TLK1: variants seen among roughly 807,000 people sequenced by gnomAD.
The protein encoded by TLK1 is serine/threonine-protein kinase tousled-like 1.
A neutral mutation model predicts 105.3 loss-of-function variants in TLK1; 24 were observed. That is an observed-to-expected ratio of 0.23 (90% CI 0.17 to 0.32). The LOEUF is 0.32. TLK1 is among the 10% of genes least tolerant of loss of function. The pLI, the probability that TLK1 is intolerant of heterozygous loss-of-function variation, is 1.00. For missense variants in TLK1, 558 were observed against 910.5 expected, an observed-to-expected ratio of 0.61 and a Z score of 4.98; for synonymous variants, 321 against 310.4, an observed-to-expected ratio of 1.03 and a Z score of -0.36.
rs1450605031 is a variant in TLK1 at position 171,160,217 on chromosome 2, C to CGGGGGGGGCGGGGGGGGCGGGGGGGGCG, written c.139+72_139+73insCGCCCCCCCCGCCCCCCCCGCCCCCCCC. On this transcript the variant is annotated intron_variant, in intron 1 of 20. Coordinates refer to ENST00000431350, the MANE Select transcript of TLK1 (RefSeq NM_012290.5). This position sits in a 1 kb window ranked among gnomAD's most constrained non-coding sequence, Gnocchi z 4.4. The stretch of plus-strand genomic sequence containing the variant: ...CGGAGAAGCCCCGGGGCGGGGGGGG[C>CGGGGGGGGCGGGGGGGGCGGGGGGGGCG]GGGGGGGGGGCGCGGGGGTCCGCGG... 1 of 862,862 alleles carries CGGGGGGGGCGGGGGGGGCGGGGGGGGCG rather than the reference C, an allele frequency of 1.2e-6. No individual in the cohort carries two copies. Among genetic ancestry groups the CGGGGGGGGCGGGGGGGGCGGGGGGGGCG allele is most frequent in the African/African-American group, 2.3e-5 (1 of 43,848 alleles). The allele number at this position is 862,862 out of a possible 1,614,324, so 53.5% of individuals were successfully genotyped here.
At chr2:171,023,518 C>G (rs1685631199) in intron 12 of TLK1, among the ~76,000 whole-genome samples, 1 of 152,044 alleles carries the variant, frequency 6.6e-6, no homozygotes, top group Non-Finnish European at 1.5e-5. Context: ...TAAACACATT[C>G]TCTCCAACTA....
intron 2 of TLK1, among the ~76,000 whole-genome samples, chr2:171,088,376 C>T (rs1231571570): frequency 6.6e-6 from 1 of 152,102 alleles, no homozygotes; most frequent in Non-Finnish European, 1.5e-5. Context: ...TAAACCCTGC[C>T]CAGTTACACA....
chr2:171,173,564 C>CT (rs1197962020), intron 1 of TLK1, among the ~76,000 whole-genome samples: 2 of 151,174 alleles, frequency 1.3e-5, no homozygotes, highest in East Asian at 3.9e-4. Flanking sequence ...ATTTTTTTTT[C>CT]TTTTTTTGGC....
At chr2:171,003,046 G>C (rs940919850) in intron 18 of TLK1, among the ~76,000 whole-genome samples, 2 of 151,714 alleles carry the variant, frequency 1.3e-5, no homozygotes, top group African/African-American at 4.8e-5. Context: ...AGGCCGAGGC[G>C]GGTGGATCAT....
chr2:171,184,472 G>A (rs962687700), intron 1 of TLK1, among the ~76,000 whole-genome samples: 3 of 151,704 alleles, frequency 2.0e-5, no homozygotes, highest in Non-Finnish European at 2.9e-5. Context: ...GAGAAACCCC[G>A]TCTCCACTAA....
At chr2:171,152,373 T>G (rs1228156658) in intron 1 of TLK1, among the ~76,000 whole-genome samples, 1 of 152,178 alleles carries the variant, frequency 6.6e-6, no homozygotes, top group African/African-American at 2.4e-5. Flanking sequence ...TGGAAAAATT[T>G]AATTCAAGTT....
At chr2:171,056,876 C>T (rs1575559629) in intron 5 of TLK1, among the ~76,000 whole-genome samples, 1 of 151,848 alleles carries the variant, frequency 6.6e-6, no homozygotes, top group Non-Finnish European at 1.5e-5. Flanking sequence ...ATTTTGTTTT[C>T]CCCCCAAATC....
intron 2 of TLK1, among the ~76,000 whole-genome samples, chr2:171,115,432 C>G (rs2105526577): frequency 6.6e-6 from 1 of 152,216 alleles, no homozygotes; most frequent in East Asian, 1.9e-4. Context: ...CTCGGCCTCC[C>G]AAAGTGCTGG....
chr2:171,192,940 G>A (rs1693183798), intron 1 of TLK1, among the ~76,000 whole-genome samples: 1 of 152,078 alleles, frequency 6.6e-6, no homozygotes, highest in South Asian at 2.1e-4. Flanking sequence ...TCTCAGATTT[G>A]GAATTAGCTG....
intron 1 of TLK1, among the ~76,000 whole-genome samples, chr2:171,227,593 T>TTG (rs1481001879): frequency 2.3e-5 from 3 of 127,990 alleles, no homozygotes; most frequent in Non-Finnish European, 3.3e-5. Context: ...TTTTTTTTTT[T>TTG]TTTTTGTTTA....
intron 13 of TLK1, among the ~76,000 whole-genome samples, chr2:171,013,668 CAATGG>C: frequency 6.6e-6 from 1 of 152,116 alleles, no homozygotes; most frequent in Non-Finnish European, 1.5e-5. Context: ...TCTCTTCACA[CAATGG>C]AATGATCTGT....
intron 12 of TLK1, among the ~76,000 whole-genome samples, chr2:171,023,521 T>C (rs370712394): frequency 6.6e-6 from 1 of 151,902 alleles, no homozygotes; most frequent in Admixed American, 6.6e-5. Context: ...ACACATTCTC[T>C]CCAACTAATC....
chr2:171,014,800 G>T, intron 13 of TLK1, 51 bp downstream of exon 13: 1 of 1,280,922 alleles, frequency 7.8e-7, no homozygotes, highest in Non-Finnish European at 1.1e-6. Context: ...TCTATGGGGG[G>T]CGGGGGTAGT....
chr2:171,101,288 G>C (rs1221355514), intron 2 of TLK1, among the ~76,000 whole-genome samples: 1 of 135,250 alleles, frequency 7.4e-6, no homozygotes, highest in Non-Finnish European at 1.5e-5. Flanking sequence ...GGAGGTTGCA[G>C]TGAGCCAAGA....
chr2:171,112,837 G>A (rs933900471), intron 2 of TLK1, among the ~76,000 whole-genome samples: 4 of 152,034 alleles, frequency 2.6e-5, no homozygotes, highest in Admixed American at 6.6e-5. Flanking sequence ...TCTAACAGCC[G>A]AAAATTCCTA....
At chr2:171,036,765 A>C (rs551210063) in intron 11 of TLK1, among the ~76,000 whole-genome samples, 1 of 152,266 alleles carries the variant, frequency 6.6e-6, no homozygotes. Context: ...CATTTATTTG[A>C]TGAGAATTGA....
intron 3 of TLK1, among the ~76,000 whole-genome samples, chr2:171,065,905 C>A (rs1048685191): frequency 2.6e-5 from 4 of 152,176 alleles, no homozygotes; most frequent in African/African-American, 9.7e-5. Flanking sequence ...GAACAAATGG[C>A]ATGACAAACC....
At chr2:171,208,370 T>A (rs1413595650) in intron 1 of TLK1, among the ~76,000 whole-genome samples, 1 of 146,886 alleles carries the variant, frequency 6.8e-6, no homozygotes, top group Non-Finnish European at 1.5e-5. Context: ...TGAAGGATTT[T>A]AATTAATTAT....
At chr2:171,050,374 C>CAT (rs1687178399) in intron 8 of TLK1, among the ~76,000 whole-genome samples, 200 bp from the exon 9 acceptor site, 1 of 151,234 alleles carries the variant, frequency 6.6e-6, no homozygotes, top group Admixed American at 6.6e-5. Context: ...GTGGAAAGTA[C>CAT]ATACAGGGAA....
Sources: gnomAD v4.1 joint callset for allele counts (sites outside exome capture counted in the v4.1 genomes callset) on GRCh38, gnomAD v4.1.1 for gene constraint, Gnocchi (gnomAD v3.1) non-coding constraint, MANE v1.5 for transcripts, NCBI Gene and HGNC (gene_info 2026-07-23, HGNC 2026-07-21) for gene names.